PLK1: variants seen among roughly 807,000 people sequenced by gnomAD.
The protein encoded by PLK1 is serine/threonine-protein kinase PLK1.
In PLK1, 6 loss-of-function variants were observed where a neutral mutation model predicts 56.7. The ratio of observed to expected loss-of-function variants is 0.11; its 90% CI spans 0.06 to 0.21. PLK1 has a LOEUF of 0.21. Among genes scored for constraint, PLK1 ranks in the 10% least tolerant of loss-of-function variants. The pLI, the probability that PLK1 is intolerant of heterozygous loss-of-function variation, is 1.00. For missense variants in PLK1, 546 were observed against 814.4 expected, an observed-to-expected ratio of 0.67 and a Z score of 4.01; for synonymous variants, 298 against 325.0, an observed-to-expected ratio of 0.92 and a Z score of 0.89.
chr16:23,680,062 G>A (rs775056710), intron 1 of PLK1, 22 bp from the exon 2 acceptor site: 13 of 1,596,926 alleles, frequency 8.1e-6, no homozygotes, highest in Middle Eastern at 1.7e-4. Context: ...CATCCCTCCT[G>A]CCCTCTCCTT....
At chr16:23,679,478 C>T (rs954633655) in intron 1 of PLK1, 138 bp downstream of exon 1, 2 of 747,994 alleles carry the variant, frequency 2.7e-6, no homozygotes, top group African/African-American at 3.5e-5. Context: ...GAGCCTCCCG[C>T]TTACGTATGG....
At chr16:23,684,454 T>C (rs1959392341) in intron 5 of PLK1, among the ~76,000 whole-genome samples, 2 of 152,162 alleles carry the variant, frequency 1.3e-5, no homozygotes, top group African/African-American at 2.4e-5. Context: ...TAGGGCTCAA[T>C]TGATCCTCCC....
chr16:23,689,377 C>G lies in PLK1; in HGVS notation c.1410C>G (p.Asn470Lys), dbSNP rs1959496433. 2 of 1,610,730 alleles carry G rather than the reference C, an allele frequency of 1.2e-6. No homozygotes were observed. Among genetic ancestry groups the G allele is most frequent in the African/African-American group, 2.7e-5 (2 of 75,000 alleles). The change falls in exon 8 of 10, where the codon AAC becomes AAG. Residue 470 changes from asparagine (N) to lysine (K), a missense_variant. Around this residue, in one of 7 missense-constraint regions of PLK1, gnomAD observed 113 missense variants for 202.0 expected, o/e 0.56. Transcript: ENST00000300093. The surrounding 1 kb of genome is among the most constrained non-coding windows in gnomAD (Gnocchi z 4.8). ...ESYLTVSSHP[N>K]SLMKKITLLK... ...ACCTCACCGTGAGTTCCCATCCCAA[C>G]TCCTTGATGAAGAAGGTGAGTGCCG...
chr16:23,683,784 C>A, intron 4 of PLK1, 86 bp from the exon 5 acceptor site: 1 of 1,009,604 alleles, frequency 9.9e-7, no homozygotes, highest in Non-Finnish European at 1.6e-6. Context: ...TGCATGTGGG[C>A]TGGGGACCTG....
chr16:23,688,535 C>A, intron 6 of PLK1, 133 bp from the exon 7 acceptor site: 1 of 728,056 alleles, frequency 1.4e-6, no homozygotes, highest in Non-Finnish European at 2.5e-6. Context: ...TTCTCTGGGG[C>A]CCTAGGCCTC....
intron 2 of PLK1, 110 bp downstream of exon 2, chr16:23,680,362 G>T: frequency 1.2e-6 from 1 of 803,142 alleles, no homozygotes; most frequent in Non-Finnish European, 2.0e-6. Context: ...CTTGCCTACA[G>T]ATGCATTATT....
rs370940850 is a variant in PLK1 at position 23,683,881 on chromosome 16, C to G, written c.828C>G (p.Pro276=). The G allele has an allele frequency of 6.2e-7, 1 of 1,613,708 alleles. No homozygotes were observed. Among genetic ancestry groups the G allele is most frequent in the Non-Finnish European group, 8.5e-7 (1 of 1,179,754 alleles). Residue 276 remains proline, a synonymous_variant, in exon 5 of 10, where the codon CCC becomes CCG. Transcript: ENST00000300093. ...TCTCTCTGCCCCAGCACATCAACCC[C>G]GTGGCCGCCTCCCTCATCCAGAAGA... ...NEYSIPKHIN[P]VAASLIQKML...
chr16:23,684,132 A>C (rs1284089067), intron 5 of PLK1, 43 bp downstream of exon 5: 3 of 1,513,330 alleles, frequency 2.0e-6, no homozygotes, highest in Non-Finnish European at 2.8e-6. Context: ...CCCCAGAGAA[A>C]GCCCAGGTTG....
At position 23,687,550 on chromosome 16, in the gene PLK1, A is replaced by G. The variant is rs1336368353; in HGVS notation, c.1118A>G (p.His373Arg). 4 of 1,604,722 alleles carry G rather than the reference A, an allele frequency of 2.5e-6. No individual in the cohort carries two copies. The highest frequency in any genetic ancestry group is 3.4e-6 in the Non-Finnish European group (4 of 1,174,750). ...VRETGEVVDC[H>R]LSDMLQQLHS... ...GAGACAGGTGAGGTGGTCGACTGCC[A>G]CCTCAGTGACATGCTGCAGCAGCTG... Residue 373 changes from histidine to arginine, a missense_variant, in exon 6 of 10, where the codon CAC becomes CGC. By Grantham distance (29) the His-to-Arg change is conservative. This residue lies in a region of PLK1 where 157 missense variants were observed against 184.0 expected (regional missense o/e 0.85). Transcript: ENST00000300093.
chr16:23,682,686 C>CTT (rs761280920), intron 4 of PLK1, among the ~76,000 whole-genome samples: 10 of 134,228 alleles, frequency 7.5e-5, no homozygotes, highest in African/African-American at 1.3e-4. Context: ...CCTCGCCTGG[C>CTT]TTTTTTTTTT....
At position 23,683,888 on chromosome 16, in the gene PLK1, G is replaced by T. The variant is rs745801697; in HGVS notation, c.835G>T (p.Ala279Ser). The T allele has an allele frequency of 6.2e-7, 1 of 1,613,820 alleles. No individual in the cohort carries two copies. The highest frequency in any genetic ancestry group is 1.3e-5 in the African/African-American group (1 of 74,968). Residue 279 changes from alanine (A) to serine (S), a missense_variant, in exon 5 of 10, where the codon GCC becomes TCC. Physicochemically the swap from Ala to Ser is moderately conservative, Grantham distance 99. This residue lies in a region of PLK1 where 157 missense variants were observed against 184.0 expected (regional missense o/e 0.85). Coordinates refer to ENST00000300093, the MANE Select transcript of PLK1 (RefSeq NM_005030.6). ...SIPKHINPVA[A>S]SLIQKMLQTD... ...GCCCCAGCACATCAACCCCGTGGCC[G>T]CCTCCCTCATCCAGAAGATGCTTCA...
chr16:23,680,297 G>T (rs1439701731), intron 2 of PLK1, 45 bp downstream of exon 2: 1 of 1,570,094 alleles, frequency 6.4e-7, no homozygotes, highest in Non-Finnish European at 8.7e-7. Context: ...ACTACAAGAG[G>T]CTGGAATTTG....
At chr16:23,687,831 T>C in intron 6 of PLK1, 1 of 385,984 alleles carries the variant, frequency 2.6e-6, no homozygotes, top group Non-Finnish European at 4.6e-6. Context: ...AGCACCTCGA[T>C]GTGCCACCTT....
intron 5 of PLK1, among the ~76,000 whole-genome samples, chr16:23,686,026 T>C (rs1959421486): frequency 6.6e-6 from 1 of 152,206 alleles, no homozygotes; most frequent in African/African-American, 2.4e-5. Flanking sequence ...GGATTACTTA[T>C]TTCTCTGCTT....
At chr16:23,680,436 A>G (rs949066000) in intron 2 of PLK1, among the ~76,000 whole-genome samples, 184 bp downstream of exon 2, 2 of 152,156 alleles carry the variant, frequency 1.3e-5, no homozygotes, top group Non-Finnish European at 2.9e-5. Context: ...TATTTTTTAA[A>G]TTGGAAGGTT....
chr16:23,679,191 T>G lies in PLK1; in HGVS notation c.259T>G (p.Ser87Ala), dbSNP rs1404452752. ...EVFAGKIVPK[S>A]LLLKPHQREK... is the part of the protein sequence containing the mutation. ...GTTCGCGGGCAAGATTGTGCCTAAGTCTCTGCTGCTCAAGCCGCACCAGAG... is the reference window on the plus strand; with the variant it reads ...GTTCGCGGGCAAGATTGTGCCTAAGGCTCTGCTGCTCAAGCCGCACCAGAG... The change falls in exon 1 of 10, where the codon TCT becomes GCT. Residue 87 changes from serine to alanine, a missense_variant. Transcript: ENST00000300093. 45 of 1,613,884 alleles carry G rather than the reference T, an allele frequency of 2.8e-5. No individual in the cohort carries two copies. Among genetic ancestry groups the G allele is most frequent in the Non-Finnish European group, 3.8e-5 (45 of 1,180,010 alleles).
Position 23,689,411 on chromosome 16 carries a change from A to AT in PLK1, c.1425+20dup. The AT allele has an allele frequency of 6.2e-7, 1 of 1,603,382 alleles. No homozygotes were observed. The highest frequency in any genetic ancestry group is 8.5e-7 in the Non-Finnish European group (1 of 1,170,898). ...GAAGAAGGTGAGTGCCGTCCGGCCC[A>AT]TGGGGGGTGGTGTTGCAGAAGTGGG... On this transcript the variant is annotated intron_variant, in intron 8 of 9. Coordinates refer to ENST00000300093, the MANE Select transcript of PLK1 (RefSeq NM_005030.6). This position sits in a 1 kb window ranked among gnomAD's most constrained non-coding sequence, Gnocchi z 4.8.
At position 23,680,114 on chromosome 16, in the gene PLK1, G is replaced by T. The variant is rs751015580; in HGVS notation, c.439G>T (p.Ala147Ser). The T allele has an allele frequency of 6.2e-7, 1 of 1,614,012 alleles. No homozygotes were observed. Among genetic ancestry groups the T allele is most frequent in the Non-Finnish European group, 8.5e-7 (1 of 1,179,958 alleles). ...CCTGGAGCTGCACAAGAGGAGGAAA[G>T]CCCTGACTGAGCCTGAGGCCCGATA... ...SLLELHKRRK[A>S]LTEPEARYYL... Residue 147 changes from alanine to serine, a missense_variant, in exon 2 of 10, where the codon GCC (alanine) becomes TCC (serine). This residue lies in a region of PLK1 where 111 missense variants were observed against 211.8 expected (regional missense o/e 0.52). Transcript: ENST00000300093.
At chr16:23,680,038 T>C in intron 1 of PLK1, 46 bp from the exon 2 acceptor site, 1 of 1,443,410 alleles carries the variant, frequency 6.9e-7, no homozygotes, top group Non-Finnish European at 9.7e-7. Flanking sequence ...CCCACCGGCC[T>C]CAATCCACCT....
Sources: allele counts gnomAD v4.1 joint callset (sites outside exome capture counted in the v4.1 genomes callset), GRCh38; gene constraint gnomAD v4.1.1; regional missense constraint gnomAD v4.1.1; non-coding constraint Gnocchi (gnomAD v3.1); transcripts MANE v1.5; gene names NCBI Gene and HGNC (gene_info 2026-07-23, HGNC 2026-07-21).